The following LINGO2 variants were observed in gnomAD, a reference collection of about 807,000 sequenced individuals.
LINGO2 encodes the protein leucine-rich repeat and immunoglobulin-like domain-containing nogo receptor-interacting protein 2.
A neutral mutation model predicts 30.6 loss-of-function variants in LINGO2; 14 were observed. The observed-to-expected ratio is 0.46, with a 90% CI of 0.30 to 0.72. The LOEUF is 0.72. Ranked by LOEUF, LINGO2 falls within the 30% of genes least tolerant of loss-of-function variation. The probability of loss-of-function intolerance (pLI) is 0.07; values close to 1 mark genes in which losing one functional copy is unlikely to be tolerated. For missense variants in LINGO2, 729 were observed against 751.7 expected, an observed-to-expected ratio of 0.97 and a Z score of 0.35; for synonymous variants, 317 against 288.5, an observed-to-expected ratio of 1.10 and a Z score of -1.00.
rs529085163 is a variant in LINGO2 at position 28,100,553 on chromosome 9, A to C, written c.-86-88148T>G. Among the ~76,000 whole-genome samples, 10 of 152,314 alleles carry C rather than the reference A, an allele frequency of 6.6e-5. No individual in the cohort carries two copies. The South Asian group carries it at 1.9e-3, about 28-fold the overall frequency. Reference sequence around the variant, plus strand: ...TAAAATGTAGTCACATTTGAGTCCAAAAAGAAAATTAATTCAGTGTTCAGT... The same window carrying C: ...TAAAATGTAGTCACATTTGAGTCCACAAAGAAAATTAATTCAGTGTTCAGT... On this transcript the variant is annotated intron_variant, in intron 4 of 5. Transcript: ENST00000379992.
the LINGO2 span, among the ~76,000 whole-genome samples, chr9:28,948,771 C>T: frequency 4.6e-5 from 7 of 152,096 alleles, no homozygotes; most frequent in East Asian, 1.9e-4. Flanking sequence ...ACATCTCAAG[C>T]TCAAGGAGAT....
the LINGO2 span, among the ~76,000 whole-genome samples, chr9:28,729,883 G>C: frequency 6.6e-6 from 1 of 151,666 alleles, no homozygotes; most frequent in South Asian, 2.1e-4. Context: ...TCTCACAAAA[G>C]TATACTTTTG....
chr9:28,629,315 G>T (rs1245869005), intron 1 of LINGO2, among the ~76,000 whole-genome samples: 5 of 152,126 alleles, frequency 3.3e-5, no homozygotes, highest in Admixed American at 6.6e-5. Flanking sequence ...ACTGTGCTGA[G>T]CTACTTAAAT....
At chr9:28,424,236 A>G (rs1163816220) in intron 2 of LINGO2, among the ~76,000 whole-genome samples, 1 of 152,138 alleles carries the variant, frequency 6.6e-6, no homozygotes, top group Non-Finnish European at 1.5e-5. Flanking sequence ...CTGGTTTTTC[A>G]GCTCACTTTG....
chr9:28,573,848 T>C (rs980422882), intron 1 of LINGO2, among the ~76,000 whole-genome samples: 3 of 152,156 alleles, frequency 2.0e-5, no homozygotes, highest in African/African-American at 7.2e-5. Flanking sequence ...ACACTCATAT[T>C]TTGATGTTAA....
the LINGO2 span, among the ~76,000 whole-genome samples, chr9:28,978,275 T>C: frequency 1.3e-5 from 2 of 152,146 alleles, no homozygotes; most frequent in Non-Finnish European, 2.9e-5. Flanking sequence ...CAGCCCACAT[T>C]AATTTTCTTC....
At chr9:28,082,551 C>G (rs1275661509) in intron 4 of LINGO2, among the ~76,000 whole-genome samples, 2 of 152,016 alleles carry the variant, frequency 1.3e-5, no homozygotes, top group Non-Finnish European at 2.9e-5. Flanking sequence ...TGCAATGAGA[C>G]ATTTTGAAAG....
the LINGO2 span, among the ~76,000 whole-genome samples, chr9:29,209,063 T>C: frequency 6.6e-6 from 1 of 152,160 alleles, no homozygotes; most frequent in Non-Finnish European, 1.5e-5. Flanking sequence ...CAATATACAC[T>C]GACAAATGTC....
At chr9:28,961,893 C>T in the LINGO2 span, among the ~76,000 whole-genome samples, 1 of 152,166 alleles carries the variant, frequency 6.6e-6, no homozygotes, top group Admixed American at 6.5e-5. Flanking sequence ...CTCAAAGAGT[C>T]CTCTGTGGAA....
intron 4 of LINGO2, among the ~76,000 whole-genome samples, chr9:28,174,338 C>T (rs899376695): frequency 6.6e-6 from 1 of 152,346 alleles, no homozygotes; most frequent in Non-Finnish European, 1.5e-5. Flanking sequence ...GGTCAGAACA[C>T]TGCTATGTAA....
intron 4 of LINGO2, among the ~76,000 whole-genome samples, chr9:28,045,059 C>A (rs1239722786): frequency 6.6e-6 from 1 of 151,938 alleles, no homozygotes; most frequent in Non-Finnish European, 1.5e-5. Context: ...AGCCAGTGAA[C>A]CAGTAGAAGT....
At position 28,150,755 on chromosome 9, in the gene LINGO2, C is replaced by G. The variant is rs1827975365; in HGVS notation, c.-86-138350G>C. Among the ~76,000 whole-genome samples the G allele has an allele frequency of 2.6e-5, 4 of 152,074 alleles. No individual in the cohort carries two copies. The South Asian group carries it at 8.3e-4, about 32-fold the overall frequency. On this transcript the variant is annotated intron_variant, in intron 4 of 5. Coordinates refer to ENST00000379992, the Ensembl canonical transcript of LINGO2. ...CTGATTTATCCAGAGTATCAGAATC[C>G]CTTCCAAAATAAGATAGTAAGCAGG...
intron 4 of LINGO2, among the ~76,000 whole-genome samples, chr9:28,292,142 A>G (rs560023083): frequency 2.0e-4 from 31 of 152,308 alleles, no homozygotes; most frequent in Admixed American, 1.8e-3. Context: ...ACTTGTTTGG[A>G]TAAGTTAGGC....
intron 1 of LINGO2, among the ~76,000 whole-genome samples, chr9:28,540,460 T>C (rs1365078043): frequency 6.6e-6 from 1 of 151,956 alleles, no homozygotes; most frequent in Non-Finnish European, 1.5e-5. Flanking sequence ...CAGGGTTTCA[T>C]TATGTTGGCT....
chr9:29,042,068 G>C, the LINGO2 span, among the ~76,000 whole-genome samples: 1 of 151,808 alleles, frequency 6.6e-6, no homozygotes, highest in African/African-American at 2.4e-5. Flanking sequence ...AGGCATCAGG[G>C]ACATGAAAAC....
At chr9:28,068,283 A>T (rs1825372722) in intron 4 of LINGO2, among the ~76,000 whole-genome samples, 1 of 152,140 alleles carries the variant, frequency 6.6e-6, no homozygotes, top group Non-Finnish European at 1.5e-5. Context: ...CTTTAAAGGT[A>T]GGTTTCTTTT....
At chr9:28,735,626 A>G in the LINGO2 span, among the ~76,000 whole-genome samples, 1 of 152,234 alleles carries the variant, frequency 6.6e-6, no homozygotes, top group Non-Finnish European at 1.5e-5. Context: ...CTAATAGTAA[A>G]CATTTTTATA....
intron 5 of LINGO2, among the ~76,000 whole-genome samples, chr9:28,010,901 T>G (rs1822521839): frequency 6.6e-6 from 1 of 152,204 alleles, no homozygotes; most frequent in South Asian, 2.1e-4. Context: ...GAGGCTGCAG[T>G]GAGCCATGCT....
At chr9:28,001,361 T>A (rs1023624973) in intron 5 of LINGO2, among the ~76,000 whole-genome samples, 7 of 152,146 alleles carry the variant, frequency 4.6e-5, no homozygotes, top group Non-Finnish European at 8.8e-5. Context: ...CATCGACTTG[T>A]AGAATTTCTA....
Sources: gnomAD v4.1 joint callset for allele counts (sites outside exome capture counted in the v4.1 genomes callset) on GRCh38, gnomAD v4.1.1 for gene constraint, MANE v1.5 for transcripts, NCBI Gene and HGNC (gene_info 2026-07-23, HGNC 2026-07-21) for gene names.